Variants in RCL1 observed in about 807,000 individuals in gnomAD.
The protein encoded by RCL1 is RNA terminal phosphate cyclase like 1.
A neutral mutation model predicts 42.4 loss-of-function variants in RCL1; 24 were observed. The observed-to-expected ratio is 0.57, with a 90% CI of 0.41 to 0.80. RCL1 has a LOEUF of 0.80. Among genes scored for constraint, RCL1 ranks in the 30% least tolerant of loss-of-function variants. RCL1 has a pLI of 0.00. For missense variants in RCL1, 578 were observed against 467.9 expected, an observed-to-expected ratio of 1.24 and a Z score of -2.17; for synonymous variants, 228 against 177.3, an observed-to-expected ratio of 1.29 and a Z score of -2.27.
chr9:4,793,797 C>T (rs1842871484), intron 1 of RCL1, among the ~76,000 whole-genome samples: 1 of 152,138 alleles, frequency 6.6e-6, no homozygotes, highest in Non-Finnish European at 1.5e-5. Context: ...TGTTTTCAGC[C>T]GTGACTGTGA....
chr9:4,836,933 C>T (rs1476116046), intron 5 of RCL1, among the ~76,000 whole-genome samples: 42 of 152,140 alleles, frequency 2.8e-4, no homozygotes, highest in Admixed American at 2.7e-3. Flanking sequence ...GGTCTGTTCT[C>T]TGCATGGCTG....
chr9:4,815,381 T>C (rs1188073873), intron 1 of RCL1, among the ~76,000 whole-genome samples: 1 of 152,190 alleles, frequency 6.6e-6, no homozygotes, highest in Non-Finnish European at 1.5e-5. Context: ...TTATGCTTGA[T>C]CATGTCTGCT....
chr9:4,859,821 A>G (rs903545808), intron 8 of RCL1, among the ~76,000 whole-genome samples: 8 of 152,306 alleles, frequency 5.3e-5, no homozygotes, highest in African/African-American at 1.4e-4. Context: ...AGTCATCACC[A>G]TATTTCTGTC....
At chr9:4,837,221 A>T (rs1187745978) in intron 5 of RCL1, among the ~76,000 whole-genome samples, 1 of 152,184 alleles carries the variant, frequency 6.6e-6, no homozygotes, top group Non-Finnish European at 1.5e-5. Flanking sequence ...GATGCATTGT[A>T]TTCCACCATA....
intron 6 of RCL1, among the ~76,000 whole-genome samples, chr9:4,842,863 C>A (rs566047963): frequency 6.6e-6 from 1 of 152,212 alleles, no homozygotes; most frequent in Non-Finnish European, 1.5e-5. Flanking sequence ...CTTTGCCTCT[C>A]GCTTTATCAG....
At position 4,828,115 on chromosome 9, in the gene RCL1, G is replaced by C. The variant is rs1816826391; in HGVS notation, c.384+1082G>C. 2.6e-5 allele frequency among the ~76,000 whole-genome samples: 4 copies of C among 151,034 alleles called. No homozygotes were observed. The South Asian group carries it at 8.4e-4, about 32-fold the overall frequency. On this transcript the variant is annotated intron_variant, in intron 3 of 8. Transcript: ENST00000381750. ...GCAGGAGAATGGCGTGAACCTGGGA[G>C]GCAGAGCTTGCAGTGAGCCGAGATC...
chr9:4,831,473 G>A (rs1340315214), intron 3 of RCL1, among the ~76,000 whole-genome samples: 1 of 152,050 alleles, frequency 6.6e-6, no homozygotes, highest in Non-Finnish European at 1.5e-5. Flanking sequence ...GTTTTTGAGT[G>A]TGCTTTATTT....
intron 6 of RCL1, 63 bp from the exon 7 acceptor site, chr9:4,844,462 T>G: frequency 1.6e-6 from 2 of 1,261,908 alleles, no homozygotes; most frequent in Non-Finnish European, 2.2e-6. Context: ...TCTTTCCGTT[T>G]GCTGGTGAGT....
chr9:4,830,338 G>C lies in RCL1; in HGVS notation c.385-2816G>C, dbSNP rs145520172. ...GGAAACTTGAGCTTGCTTGTAGGCT[G>C]AGGAGAAGCTGTAATGGAAAAGAAA... On this transcript the variant is annotated intron_variant, in intron 3 of 8. Transcript: ENST00000381750. 2.2e-3 allele frequency among the ~76,000 whole-genome samples: 340 copies of C among 152,308 alleles called. 4 individuals carry two copies. Among genetic ancestry groups the C allele is most frequent in the African/African-American group, 7.7e-3 (321 of 41,570 alleles).
intron 1 of RCL1, among the ~76,000 whole-genome samples, chr9:4,795,694 C>G (rs1420762796): frequency 6.6e-6 from 1 of 152,204 alleles, no homozygotes; most frequent in East Asian, 1.9e-4. Flanking sequence ...GCAAGAATCA[C>G]ATCTCTTCAA....
At chr9:4,830,095 G>A (rs1816899446) in intron 3 of RCL1, among the ~76,000 whole-genome samples, 1 of 152,212 alleles carries the variant, frequency 6.6e-6, no homozygotes, top group South Asian at 2.1e-4. Context: ...CAGGAATCAA[G>A]TTCTAAGAAG....
At chr9:4,824,899 G>A (rs965475481) in intron 2 of RCL1, among the ~76,000 whole-genome samples, 1 of 152,080 alleles carries the variant, frequency 6.6e-6, no homozygotes, top group Admixed American at 6.6e-5. Flanking sequence ...TCCAGAAGAC[G>A]GATAATTCTA....
rs377586083 is a variant in RCL1, at chr9:4,825,550, T to A, written c.209-1308T>A. 3.3e-5 allele frequency among the ~76,000 whole-genome samples: 5 copies of A among 152,338 alleles called. No homozygotes were observed. In the South Asian group the frequency reaches 1.0e-3, roughly 32 times the overall value. On this transcript the variant is annotated intron_variant, in intron 2 of 8. Coordinates refer to ENST00000381750, the MANE Select transcript of RCL1 (RefSeq NM_005772.5). ...AATGTAGTAAAACCTACATTTATTTTATGAAAGTCCCAAGAACTTTTTCCC... is the reference window on the plus strand; with the variant it reads ...AATGTAGTAAAACCTACATTTATTTAATGAAAGTCCCAAGAACTTTTTCCC...
chr9:4,855,569 C>T (rs951313256), intron 8 of RCL1, among the ~76,000 whole-genome samples: 4 of 152,024 alleles, frequency 2.6e-5, no homozygotes, highest in Non-Finnish European at 4.4e-5. Context: ...AGATACAGGA[C>T]GAGCTTACTC....
intron 8 of RCL1, among the ~76,000 whole-genome samples, chr9:4,854,728 C>A (rs1817875729): frequency 6.6e-6 from 1 of 152,112 alleles, no homozygotes; most frequent in South Asian, 2.1e-4. Context: ...TTCCTGTTGA[C>A]CAGCAGTGGC....
intron 4 of RCL1, 72 bp downstream of exon 4, chr9:4,833,300 G>C: frequency 9.2e-7 from 1 of 1,087,990 alleles, no homozygotes; most frequent in Non-Finnish European, 1.4e-6. Context: ...TGGAAGAGCT[G>C]TGTGACTCAG....
chr9:4,821,016 C>G (rs1215488856), intron 1 of RCL1, among the ~76,000 whole-genome samples: 1 of 152,000 alleles, frequency 6.6e-6, no homozygotes, highest in African/African-American at 2.4e-5. Flanking sequence ...CTATAAGATC[C>G]TTCAAGAGAT....
intron 8 of RCL1, among the ~76,000 whole-genome samples, chr9:4,855,065 A>C (rs465299): frequency 0.52 from 76,175 of 145,926 alleles, 21,285 homozygotes; most frequent in East Asian, 0.74. Flanking sequence ...AAAAAAAAAA[A>C]AAAAAAAATA....
intron 8 of RCL1, among the ~76,000 whole-genome samples, chr9:4,854,600 A>G (rs1371512350): frequency 6.6e-6 from 1 of 152,066 alleles, no homozygotes; most frequent in Non-Finnish European, 1.5e-5. Context: ...CCAATCTCTC[A>G]CATGCTTCAA....
Sources: allele counts gnomAD v4.1 joint callset (sites outside exome capture counted in the v4.1 genomes callset), GRCh38; gene constraint gnomAD v4.1.1; transcripts MANE v1.5; gene names NCBI Gene and HGNC (gene_info 2026-07-23, HGNC 2026-07-21).